TET1: variants seen among roughly 807,000 people sequenced by gnomAD.
The protein encoded by TET1 is tet methylcytosine dioxygenase 1.
TET1 carries 13 observed loss-of-function variants against 148.7 expected under a neutral mutation model. That is an observed-to-expected ratio of 0.09 (90% CI 0.06 to 0.14). The LOEUF (loss-of-function observed/expected upper bound fraction) is 0.14, where lower values mean the gene tolerates loss of function less well. Ranked by LOEUF, TET1 falls within the 10% of genes least tolerant of loss-of-function variation. TET1 has a pLI of 1.00. For synonymous variants in TET1, 907 were observed against 937.2 expected (o/e 0.97, Z 0.59); for missense variants, 2,182 against 2,553.8 (o/e 0.85, Z 3.14).
rs1042337285 is a variant in TET1, at chr10:68,664,372, A to T, written c.4462-2673A>T. On this transcript the variant is annotated intron_variant, in intron 6 of 11. Transcript: ENST00000373644. ...TATCATGTCAAATATATGTCATGTA[A>T]ATATTTCTCCTGCCCTTTTGCTTGC... is the stretch of plus-strand genomic sequence containing the variant. Among the ~76,000 whole-genome samples the T allele has an allele frequency of 2.6e-5, 4 of 151,524 alleles. No homozygotes were observed. In the East Asian group the frequency reaches 5.8e-4, roughly 22 times the overall value.
At chr10:68,656,489 C>T (rs1470782981) in intron 6 of TET1, among the ~76,000 whole-genome samples, 1 of 152,144 alleles carries the variant, frequency 6.6e-6, no homozygotes, top group Non-Finnish European at 1.5e-5. Flanking sequence ...GTCTTGATCT[C>T]CTAACCTCAT....
intron 2 of TET1, among the ~76,000 whole-genome samples, chr10:68,593,130 G>C (rs776015538): frequency 3.0e-4 from 46 of 151,498 alleles, no homozygotes; most frequent in Middle Eastern, 6.8e-3. Context: ...TACTTGGGAG[G>C]CTGAGGCAGG....
intron 6 of TET1, among the ~76,000 whole-genome samples, chr10:68,654,493 T>C (rs2054992375): frequency 6.6e-6 from 1 of 152,072 alleles, no homozygotes; most frequent in South Asian, 2.1e-4. Context: ...GGCGCGAGCC[T>C]ATAGTCCCAG....
chr10:68,678,338 T>TA (rs1426121219), intron 8 of TET1, among the ~76,000 whole-genome samples: 5 of 152,324 alleles, frequency 3.3e-5, no homozygotes, highest in Non-Finnish European at 7.3e-5. Context: ...TTGAGATTCC[T>TA]AAGGGAAATC....
rs2053690821 is a variant in TET1 at position 68,573,225 on chromosome 10, G to A, written c.887G>A (p.Cys296Tyr). The A allele has an allele frequency of 6.2e-7, 1 of 1,613,858 alleles. No individual in the cohort carries two copies. Among genetic ancestry groups the A allele is most frequent in the Admixed American group, 1.7e-5 (1 of 59,956 alleles). ...GATCCCATTAAAAGTGAACATGATT[G>A]CTACCCCACCTCCAGTCTTAATAAG... The part of the protein sequence containing the change: ...YLDPIKSEHD[C>Y]YPTSSLNKVI... Residue 296 changes from cysteine to tyrosine, a missense_variant, in exon 2 of 12, where the codon TGC becomes TAC. Cys to Tyr is a radical substitution (Grantham distance 194). Around this residue, in one of 11 missense-constraint regions of TET1, gnomAD observed 665 missense variants for 672.4 expected, o/e 0.99. Coordinates refer to ENST00000373644, the MANE Select transcript of TET1 (RefSeq NM_030625.3).
At chr10:68,674,976 A>G (rs2055330065) in intron 8 of TET1, 4 of 388,454 alleles carry the variant, frequency 1.0e-5, no homozygotes, top group Non-Finnish European at 9.6e-6. Context: ...GAAGAAGCCT[A>G]GCTTTGAATT....
chr10:68,608,127 A>G (rs2054152019), intron 3 of TET1, among the ~76,000 whole-genome samples: 1 of 152,076 alleles, frequency 6.6e-6, no homozygotes. Flanking sequence ...CTGGGGTTTC[A>G]TCATGTTGGC....
intron 5 of TET1, 68 bp downstream of exon 5, chr10:68,652,004 C>A: frequency 7.2e-7 from 1 of 1,390,426 alleles, no homozygotes; most frequent in Non-Finnish European, 1.0e-6. Context: ...GATAAATCAT[C>A]TCTAAGAACA....
chr10:68,641,684 G>T (rs1262772883), intron 3 of TET1, among the ~76,000 whole-genome samples: 1 of 151,348 alleles, frequency 6.6e-6, no homozygotes, highest in Non-Finnish European at 1.5e-5. Flanking sequence ...TTGTATTTTG[G>T]TAGAGACAGG....
intron 6 of TET1, among the ~76,000 whole-genome samples, chr10:68,663,802 A>G (rs960593509): frequency 1.3e-5 from 2 of 152,192 alleles, no homozygotes; most frequent in Non-Finnish European, 2.9e-5. Flanking sequence ...AGCTGTTTAA[A>G]TACTTGGTTT....
At chr10:68,616,123 T>A (rs530329946) in intron 3 of TET1, among the ~76,000 whole-genome samples, 1 of 152,348 alleles carries the variant, frequency 6.6e-6, no homozygotes, top group East Asian at 1.9e-4. Flanking sequence ...TTATTTAATC[T>A]ACTAATAAGG....
chr10:68,678,420 G>A (rs2055392344), intron 8 of TET1, among the ~76,000 whole-genome samples: 1 of 152,152 alleles, frequency 6.6e-6, no homozygotes, highest in African/African-American at 2.4e-5. Flanking sequence ...GTATAGCTGT[G>A]GATGAGGATA....
intron 3 of TET1, among the ~76,000 whole-genome samples, chr10:68,616,596 C>T (rs2054293125): frequency 6.6e-6 from 1 of 152,054 alleles, no homozygotes. Flanking sequence ...AATGCAGTAG[C>T]TCAATCACAG....
chr10:68,629,343 C>T (rs10823238), intron 3 of TET1, among the ~76,000 whole-genome samples: 82,325 of 151,006 alleles, frequency 0.55, 22,562 homozygotes, highest in Non-Finnish European at 0.58. Context: ...CCAGCCTGGG[C>T]GACAGAGAAA....
chr10:68,609,396 G>A (rs1280471118), intron 3 of TET1, among the ~76,000 whole-genome samples: 2 of 151,756 alleles, frequency 1.3e-5, no homozygotes, highest in Non-Finnish European at 2.9e-5. Context: ...CCTGACCTCA[G>A]GTGATCCACC....
At chr10:68,569,178 T>TC (rs1345209839) in intron 1 of TET1, among the ~76,000 whole-genome samples, 3 of 138,708 alleles carry the variant, frequency 2.2e-5, no homozygotes, top group African/African-American at 8.2e-5. Flanking sequence ...TTTTTTTTTT[T>TC]TTTTTTTTTT....
chr10:68,568,499 C>T (rs1240674499), intron 1 of TET1, among the ~76,000 whole-genome samples: 2 of 152,162 alleles, frequency 1.3e-5, no homozygotes, highest in Admixed American at 1.3e-4. Flanking sequence ...CCTCAGCCTC[C>T]CAAAGTGCTA....
At chr10:68,664,397 C>G (rs1000745931) in intron 6 of TET1, among the ~76,000 whole-genome samples, 1 of 149,340 alleles carries the variant, frequency 6.7e-6, no homozygotes, top group Non-Finnish European at 1.5e-5. Flanking sequence ...CTTTTGCTTG[C>G]CTTCTTTATT....
At position 68,573,399 on chromosome 10, in the gene TET1, A is replaced by G; in HGVS notation, c.1061A>G (p.Asn354Ser). ...CAAGAGGCCTTCGAAGCTACTGCAA[A>G]TCAACAGGAAGTTTCTGATACCACC... The part of the protein sequence containing the change: ...DHQEAFEATA[N>S]QQEVSDTTSF... Residue 354 changes from asparagine to serine, a missense_variant, in exon 2 of 12, where the codon AAT (asparagine) becomes AGT (serine). By Grantham distance (46) the Asn-to-Ser change is conservative. Coordinates refer to ENST00000373644, the MANE Select transcript of TET1 (RefSeq NM_030625.3). 2 of 1,614,158 alleles carry G rather than the reference A, an allele frequency of 1.2e-6. No homozygotes were observed. The highest frequency in any genetic ancestry group is 1.7e-6 in the Non-Finnish European group (2 of 1,180,030).
Sources: gnomAD v4.1 joint callset for allele counts (sites outside exome capture counted in the v4.1 genomes callset) on GRCh38, gnomAD v4.1.1 for gene constraint, gnomAD v4.1.1 regional missense constraint, MANE v1.5 for transcripts, NCBI Gene and HGNC (gene_info 2026-07-23, HGNC 2026-07-21) for gene names.